The following RSF1 variants were observed in gnomAD, a reference collection of about 807,000 sequenced individuals.
RSF1 encodes HBV pX-associated protein 8.
Under a neutral mutation model 145.2 loss-of-function variants are expected in RSF1, and 13 were observed. The ratio of observed to expected loss-of-function variants is 0.09; its 90% CI spans 0.06 to 0.14. The LOEUF (loss-of-function observed/expected upper bound fraction) is 0.14, where lower values mean the gene tolerates loss of function less well. Ranked by LOEUF, RSF1 falls within the 10% of genes least tolerant of loss-of-function variation. RSF1 has a pLI of 1.00. For synonymous variants in RSF1, 577 were observed against 592.6 expected, an observed-to-expected ratio of 0.97 and a Z score of 0.38; for missense variants, 1,517 against 1,718.2, an observed-to-expected ratio of 0.88 and a Z score of 2.07.
intron 4 of RSF1, among the ~76,000 whole-genome samples, chr11:77,737,752 G>A (rs528320748): frequency 6.6e-6 from 1 of 151,526 alleles, no homozygotes; most frequent in East Asian, 1.9e-4. Context: ...AACACCAGGG[G>A]AATTTTCTGA....
rs1013628792 is a variant in RSF1 at position 77,664,527 on chromosome 11, A to T, written c.*2390T>A. 1 of 152,164 alleles carries T rather than the reference A, an allele frequency of 6.6e-6. No individual in the cohort carries two copies. The highest frequency in any genetic ancestry group is 1.5e-5 in the Non-Finnish European group (1 of 68,022). The allele number at this position is 152,164 out of a possible 1,614,324, so 9.4% of individuals were successfully genotyped here. On this transcript the variant is annotated 3_prime_UTR_variant, in exon 16 of 16. Coordinates refer to ENST00000308488, the MANE Select transcript of RSF1 (RefSeq NM_016578.4). ...TAAAATTATCTACCCATTTAATACTACTTCTGATCACTTGGCTTAACTGAG... is the reference window on the plus strand; with the variant it reads ...TAAAATTATCTACCCATTTAATACTTCTTCTGATCACTTGGCTTAACTGAG...
At chr11:77,820,924 C>A (rs1052303813), upstream of RSF1, 1 of 573,650 alleles carries the variant, frequency 1.7e-6, no homozygotes, top group South Asian at 2.2e-5. Context: ...CAGAGCGGCC[C>A]TCGGCGCCTT....
At chr11:77,847,646 A>C in the RSF1 span, among the ~76,000 whole-genome samples, 1 of 152,224 alleles carries the variant, frequency 6.6e-6, no homozygotes, top group Non-Finnish European at 1.5e-5. Flanking sequence ...ATCAGAGTGA[A>C]GTTGGAAAAT....
At chr11:77,716,714 G>A (rs1406331384) in intron 5 of RSF1, among the ~76,000 whole-genome samples, 8 of 152,254 alleles carry the variant, frequency 5.3e-5, no homozygotes, top group East Asian at 1.9e-4. Flanking sequence ...TTACAACAAC[G>A]TACTGTATAC....
chr11:77,803,156 T>C (rs1417679093), intron 1 of RSF1, among the ~76,000 whole-genome samples: 1 of 152,020 alleles, frequency 6.6e-6, no homozygotes, highest in Non-Finnish European at 1.5e-5. Context: ...GAGAGTGAGT[T>C]GTTTGTTTTG....
chr11:77,770,279 G>A (rs1184203346), intron 1 of RSF1, among the ~76,000 whole-genome samples: 4 of 152,030 alleles, frequency 2.6e-5, no homozygotes, highest in Non-Finnish European at 4.4e-5. Flanking sequence ...TGGCTAACAC[G>A]GTAAAACCCC....
intron 1 of RSF1, among the ~76,000 whole-genome samples, chr11:77,808,280 C>T (rs933284085): frequency 6.6e-6 from 1 of 151,700 alleles, no homozygotes; most frequent in African/African-American, 2.4e-5. Flanking sequence ...TGCAGTGAGC[C>T]GAGATCATGC....
At chr11:77,702,672 T>C (rs1960455043) in intron 5 of RSF1, 177 bp from the exon 6 acceptor site, 1 of 415,356 alleles carries the variant, frequency 2.4e-6, no homozygotes, top group African/African-American at 2.0e-5. Context: ...ACAAAAACTT[T>C]GAGATACAAC....
At chr11:77,755,944 A>T (rs1407420312) in intron 2 of RSF1, among the ~76,000 whole-genome samples, 1 of 152,186 alleles carries the variant, frequency 6.6e-6, no homozygotes, top group Admixed American at 6.5e-5. Context: ...TTTGAGACAA[A>T]GAGCAAGTAC....
At chr11:77,716,797 T>C (rs990834660) in intron 5 of RSF1, among the ~76,000 whole-genome samples, 2 of 152,238 alleles carry the variant, frequency 1.3e-5, no homozygotes, top group African/African-American at 4.8e-5. Context: ...TCAATGCATA[T>C]GGTAATTAGT....
In RSF1 at chr11:77,697,849, A is replaced by G. The variant is rs201773903; in HGVS notation, c.2715+638T>C. Reference sequence around the variant, plus strand: ...AGCATTTACCATTTGTTTTAGAAACATTCCAATGCCACTCTTTTGCCATTA... The same window carrying G: ...AGCATTTACCATTTGTTTTAGAAACGTTCCAATGCCACTCTTTTGCCATTA... On this transcript the variant is annotated intron_variant, in intron 7 of 15. Coordinates refer to ENST00000308488, the MANE Select transcript of RSF1 (RefSeq NM_016578.4). 6.6e-5 allele frequency among the ~76,000 whole-genome samples: 10 copies of G among 152,266 alleles called. No individual in the cohort carries two copies. In the East Asian group the frequency reaches 1.9e-3, roughly 29 times the overall value.
intron 1 of RSF1, among the ~76,000 whole-genome samples, chr11:77,794,757 C>T (rs1948554881): frequency 6.6e-6 from 1 of 152,032 alleles, no homozygotes; most frequent in Non-Finnish European, 1.5e-5. Flanking sequence ...TGAATATGTA[C>T]AAGTTGAAAA....
chr11:77,661,267 T>C lies in RSF1; in HGVS notation c.*5650A>G, dbSNP rs1324179634. The C allele has an allele frequency of 6.6e-6, 1 of 152,130 alleles. No homozygotes were observed. Among genetic ancestry groups the C allele is most frequent in the Admixed American group, 6.6e-5 (1 of 15,252 alleles). 9.4% of individuals were successfully genotyped at this position (152,130 alleles called of 1,614,324 possible). A position where few individuals can be genotyped will look rare whatever the true frequency, so the allele number is the denominator to read the frequency against. On this transcript the variant is annotated 3_prime_UTR_variant, in exon 16 of 16. Transcript: ENST00000308488. ...GCAGGTTTGGGCAAGCTACAACAGA[T>C]ACCATCTCAAGAAGCTACTTTGAAA...
chr11:77,811,091 G>A (rs1014547862), intron 1 of RSF1, among the ~76,000 whole-genome samples: 1 of 152,138 alleles, frequency 6.6e-6, no homozygotes, highest in Admixed American at 6.6e-5. Flanking sequence ...TGTTCTCTGT[G>A]ACCATCACTC....
intron 3 of RSF1, among the ~76,000 whole-genome samples, chr11:77,743,422 T>C (rs191283627): frequency 1.3e-5 from 2 of 152,362 alleles, no homozygotes; most frequent in African/African-American, 2.4e-5. Flanking sequence ...GTTTTCAGTA[T>C]AGAGATCTTT....
At chr11:77,669,628 T>C (rs1232043203) in intron 15 of RSF1, among the ~76,000 whole-genome samples, 1 of 152,234 alleles carries the variant, frequency 6.6e-6, no homozygotes, top group Non-Finnish European at 1.5e-5. Context: ...TCAATAGCCA[T>C]ATGAGGTTAG....
At chr11:77,807,631 T>TAA (rs982371431) in intron 1 of RSF1, among the ~76,000 whole-genome samples, 7 of 152,298 alleles carry the variant, frequency 4.6e-5, no homozygotes, top group African/African-American at 1.4e-4. Context: ...ATATAGAGTT[T>TAA]AAAACAAAAT....
intron 5 of RSF1, among the ~76,000 whole-genome samples, chr11:77,725,045 TAGC>T (rs1179381226): frequency 9.2e-5 from 14 of 152,272 alleles, no homozygotes; most frequent in Admixed American, 3.9e-4. Flanking sequence ...AAGAGACAGA[TAGC>T]AGAATGAGAG....
At chr11:77,842,454 T>C in the RSF1 span, 1 of 1,602,714 alleles carries the variant, frequency 6.2e-7, no homozygotes, top group Non-Finnish European at 8.5e-7. Flanking sequence ...ATAACTGATT[T>C]AGTATATTTT....
Sources: gnomAD v4.1 joint callset for allele counts (sites outside exome capture counted in the v4.1 genomes callset) on GRCh38, gnomAD v4.1.1 for gene constraint, MANE v1.5 for transcripts, NCBI Gene and HGNC (gene_info 2026-07-23, HGNC 2026-07-21) for gene names.